FTO: variants seen among roughly 807,000 people sequenced by gnomAD.
FTO encodes FTO alpha-ketoglutarate dependent dioxygenase.
FTO carries 47 observed loss-of-function variants against 63.9 expected under a neutral mutation model. The ratio of observed to expected loss-of-function variants is 0.74; its 90% confidence interval spans 0.58 to 0.94. The LOEUF (loss-of-function observed/expected upper bound fraction) is 0.94, where lower values mean the gene tolerates loss of function less well. Ranked by LOEUF, FTO falls within the 40% of genes least tolerant of loss-of-function variation. FTO has a pLI of 0.00. For missense variants in FTO, 562 were observed against 618.1 expected (o/e 0.91, Z 0.96); for synonymous variants, 207 against 224.4 (o/e 0.92, Z 0.69).
At chr16:53,804,700 C>G (rs1193420984) in intron 1 of FTO, among the ~76,000 whole-genome samples, 1 of 150,452 alleles carries the variant, frequency 6.6e-6, no homozygotes, top group Non-Finnish European at 1.5e-5. Context: ...ACTGCAACCT[C>G]CATCTGCCAG....
chr16:53,801,843 T>A (rs189036965), intron 1 of FTO, among the ~76,000 whole-genome samples: 1 of 151,954 alleles, frequency 6.6e-6, no homozygotes, highest in Non-Finnish European at 1.5e-5. Flanking sequence ...CACTGCAACC[T>A]CCACCTCCCA....
intron 8 of FTO, among the ~76,000 whole-genome samples, chr16:54,094,020 A>C (rs1178104473): frequency 6.6e-6 from 1 of 152,078 alleles, no homozygotes; most frequent in Non-Finnish European, 1.5e-5. Context: ...GTCACCCCAC[A>C]AGCAAACATT....
At chr16:54,068,526 G>A (rs906026159) in intron 8 of FTO, among the ~76,000 whole-genome samples, 28 of 152,068 alleles carry the variant, frequency 1.8e-4, no homozygotes, top group African/African-American at 6.8e-4. Context: ...CATGGCTGAG[G>A]TTATGAATGA....
In FTO at chr16:54,114,856, A is replaced by G. The variant is rs1370586509; in HGVS notation, c.*2941A>G. On this transcript the variant is annotated 3_prime_UTR_variant, in exon 9 of 9. Transcript: ENST00000471389. The stretch of plus-strand genomic sequence containing the variant: ...GAGGCGGAGGTTGCAGTGAGCCGAG[A>G]TCATGCCACTGCACTCCAGCCTGGG... 1 of 152,546 alleles carries G rather than the reference A, an allele frequency of 6.6e-6. No individual in the cohort carries two copies. Among genetic ancestry groups the G allele is most frequent in the Non-Finnish European group, 1.5e-5 (1 of 68,312 alleles). 9.4% of individuals were successfully genotyped at this position (152,546 alleles called of 1,614,324 possible).
chr16:53,726,279 C>T (rs1177400590), intron 1 of FTO, among the ~76,000 whole-genome samples: 2 of 152,136 alleles, frequency 1.3e-5, no homozygotes, highest in Admixed American at 1.3e-4. Flanking sequence ...ATTCACAGTT[C>T]TCATAATAGT....
At chr16:53,840,486 T>A (rs1476299639) in intron 3 of FTO, among the ~76,000 whole-genome samples, 1 of 152,226 alleles carries the variant, frequency 6.6e-6, no homozygotes, top group East Asian at 1.9e-4. Context: ...ATATCAAGAC[T>A]TTCGAACAGG....
At chr16:53,991,014 TCAGA>T (rs1456752692) in intron 8 of FTO, 1 of 152,172 alleles carries the variant, frequency 6.6e-6, no homozygotes, top group Non-Finnish European at 1.5e-5. Flanking sequence ...TTCCTATAAA[TCAGA>T]CAGTCATTTT....
chr16:53,862,560 T>TG (rs1421613295), intron 4 of FTO, among the ~76,000 whole-genome samples: 2 of 147,322 alleles, frequency 1.4e-5, no homozygotes, highest in African/African-American at 5.2e-5. Context: ...TTTTTCAAGA[T>TG]GGAGTCTCTC....
At chr16:53,958,883 C>T (rs62035799) in intron 8 of FTO, among the ~76,000 whole-genome samples, 4 of 152,182 alleles carry the variant, frequency 2.6e-5, no homozygotes, top group African/African-American at 9.6e-5. Flanking sequence ...GCTCCAGCAG[C>T]TGATGGGGGT....
chr16:53,863,833 C>T (rs2080238504), intron 4 of FTO, among the ~76,000 whole-genome samples: 1 of 152,212 alleles, frequency 6.6e-6, no homozygotes, highest in African/African-American at 2.4e-5. Context: ...GCTCGCTGCT[C>T]TTTTGGAGAG....
At chr16:54,056,884 A>G (rs1422174820) in intron 8 of FTO, among the ~76,000 whole-genome samples, 4 of 152,232 alleles carry the variant, frequency 2.6e-5, no homozygotes, top group African/African-American at 9.6e-5. Flanking sequence ...GGCATTAGGT[A>G]ATGAATATAC....
At chr16:53,763,934 G>C (rs943561009) in intron 1 of FTO, among the ~76,000 whole-genome samples, 1 of 152,196 alleles carries the variant, frequency 6.6e-6, no homozygotes, top group African/African-American at 2.4e-5. Flanking sequence ...GCCCTGGAAA[G>C]AATCGGGATT....
intron 3 of FTO, among the ~76,000 whole-genome samples, chr16:53,833,882 A>T (rs1417014691): frequency 6.6e-6 from 1 of 152,060 alleles, no homozygotes; most frequent in Non-Finnish European, 1.5e-5. Context: ...TTCTTTGGAG[A>T]CATGTCTATT....
intron 8 of FTO, chr16:53,937,799 A>G (rs2082426039): frequency 6.6e-6 from 1 of 152,294 alleles, no homozygotes; most frequent in Admixed American, 6.5e-5. Context: ...TGACAGTGGA[A>G]GAAATTATCA....
At chr16:53,968,978 A>G (rs1301965423) in intron 8 of FTO, among the ~76,000 whole-genome samples, 8 of 152,176 alleles carry the variant, frequency 5.3e-5, no homozygotes, top group African/African-American at 1.7e-4. Flanking sequence ...CAACTACACT[A>G]TGGGGCAAAA....
intron 4 of FTO, among the ~76,000 whole-genome samples, chr16:53,848,392 G>A (rs1044325457): frequency 3.9e-5 from 6 of 152,216 alleles, no homozygotes; most frequent in Non-Finnish European, 7.4e-5. Flanking sequence ...GGAACGTGTC[G>A]GGTGCCTGTA....
intron 4 of FTO, among the ~76,000 whole-genome samples, chr16:53,869,406 T>G (rs989813282): frequency 6.6e-6 from 1 of 152,112 alleles, no homozygotes; most frequent in Non-Finnish European, 1.5e-5. Flanking sequence ...GTCTCTAGTT[T>G]GGTGTCTAAC....
At chr16:53,793,718 G>A (rs2077986968) in intron 1 of FTO, among the ~76,000 whole-genome samples, 2 of 152,040 alleles carry the variant, frequency 1.3e-5, no homozygotes, top group Admixed American at 6.6e-5. Context: ...AGCCGAGAGC[G>A]AGACTCCGTC....
intron 4 of FTO, among the ~76,000 whole-genome samples, chr16:53,870,931 C>T (rs1265589803): frequency 6.6e-6 from 1 of 152,054 alleles, no homozygotes; most frequent in Non-Finnish European, 1.5e-5. Flanking sequence ...AAAGGGTGTT[C>T]ACTATGTATA....
Sources: gnomAD v4.1 joint callset for allele counts (sites outside exome capture counted in the v4.1 genomes callset) on GRCh38, gnomAD v4.1.1 for gene constraint, MANE v1.5 for transcripts, NCBI Gene and HGNC (gene_info 2026-07-23, HGNC 2026-07-21) for gene names.